Variants in LRMDA observed in about 807,000 individuals in gnomAD.
LRMDA encodes leucine-rich melanocyte differentiation-associated protein.
A neutral mutation model predicts 29.8 loss-of-function variants in LRMDA; 18 were observed. The ratio of observed to expected loss-of-function variants is 0.60; its 90% CI spans 0.42 to 0.90. The LOEUF (loss-of-function observed/expected upper bound fraction) is 0.90. LRMDA is among the 40% of genes least tolerant of loss of function. The pLI, the probability that LRMDA is intolerant of heterozygous loss-of-function variation, is 0.00. For synonymous variants in LRMDA, 125 were observed against 109.4 expected (o/e 1.14, Z -0.89); for missense variants, 273 against 273.9 (o/e 1.00, Z 0.02).
chr10:76,510,506 G>T (rs534087947), intron 6 of LRMDA, among the ~76,000 whole-genome samples: 1 of 152,088 alleles, frequency 6.6e-6, no homozygotes, highest in Non-Finnish European at 1.5e-5. Flanking sequence ...GATCTTATAG[G>T]TAGACTGGGA....
intron 6 of LRMDA, among the ~76,000 whole-genome samples, chr10:76,391,316 T>C (rs1350879400): frequency 2.0e-5 from 3 of 152,216 alleles, no homozygotes; most frequent in Non-Finnish European, 2.9e-5. Flanking sequence ...TTTGGCATCA[T>C]GTCCCTGACA....
intron 5 of LRMDA, among the ~76,000 whole-genome samples, chr10:76,171,095 A>G (rs550317681): frequency 2.6e-5 from 4 of 152,234 alleles, no homozygotes; most frequent in African/African-American, 9.6e-5. Context: ...GAGCAGCTAT[A>G]TCTGTGCCTA....
chr10:75,777,151 A>AGTACAGGCTGCCGAGCT (rs1157133218), intron 2 of LRMDA, among the ~76,000 whole-genome samples: 5 of 152,206 alleles, frequency 3.3e-5, no homozygotes, highest in Non-Finnish European at 7.3e-5. Context: ...ACAAGTGCAG[A>AGTACAGGCTGCCGAGCT]GTACAGGCTG....
chr10:76,184,047 T>C (rs146123644), intron 5 of LRMDA, among the ~76,000 whole-genome samples: 2,292 of 151,660 alleles, frequency 0.015, 60 homozygotes, highest in African/African-American at 0.05. Context: ...TTTTTTTTTT[T>C]GGAGACGGAG....
chr10:76,430,890 C>T (rs979181087), intron 6 of LRMDA, among the ~76,000 whole-genome samples: 16 of 152,100 alleles, frequency 1.1e-4, no homozygotes, highest in Admixed American at 1.3e-4. Context: ...AGTATTTTTT[C>T]CATTGAATAG....
intron 6 of LRMDA, among the ~76,000 whole-genome samples, chr10:76,440,285 C>T (rs1589188369): frequency 6.6e-6 from 1 of 152,152 alleles, no homozygotes; most frequent in Admixed American, 6.5e-5. Context: ...GGGATGAGTC[C>T]TATCATTTGT....
chr10:76,013,845 A>G (rs1161116766), intron 2 of LRMDA, among the ~76,000 whole-genome samples: 1 of 151,812 alleles, frequency 6.6e-6, no homozygotes, highest in Admixed American at 6.6e-5. Context: ...TCCCTTGGCA[A>G]TCACCATTCT....
intron 6 of LRMDA, among the ~76,000 whole-genome samples, chr10:76,329,799 G>A (rs1840882231): frequency 6.6e-6 from 1 of 152,100 alleles, no homozygotes; most frequent in Non-Finnish European, 1.5e-5. Flanking sequence ...GCAGCTCAAT[G>A]TATGCCATCC....
At position 75,548,044 on chromosome 10, in the gene LRMDA, T is replaced by C. The variant is rs1589177963; in HGVS notation, c.131+109550T>C. ...TTTCATATTTATTTTTCAGCATTAA[T>C]CATTCTGTATCTTTGTGGAAAGTAT... On this transcript the variant is annotated intron_variant, in intron 2 of 6. Coordinates refer to ENST00000611255, the MANE Select transcript of LRMDA (RefSeq NM_001305581.2). 2.6e-5 allele frequency among the ~76,000 whole-genome samples: 4 copies of C among 152,004 alleles called. No homozygotes were observed. The South Asian group carries it at 8.3e-4, about 31-fold the overall frequency.
At chr10:76,549,831 A>G (rs1045320423) in intron 6 of LRMDA, among the ~76,000 whole-genome samples, 3 of 152,228 alleles carry the variant, frequency 2.0e-5, no homozygotes, top group South Asian at 2.1e-4. Flanking sequence ...ACACAAATAC[A>G]TGGGGAGGAA....
intron 2 of LRMDA, among the ~76,000 whole-genome samples, chr10:75,581,293 C>T (rs1045105055): frequency 3.3e-5 from 5 of 152,082 alleles, no homozygotes; most frequent in Non-Finnish European, 7.4e-5. Context: ...GACATATATG[C>T]AGCCAATATA....
At chr10:76,380,004 ATACT>A (rs1265601140) in intron 6 of LRMDA, among the ~76,000 whole-genome samples, 1 of 152,174 alleles carries the variant, frequency 6.6e-6, no homozygotes, top group African/African-American at 2.4e-5. Context: ...TCATTTCCAC[ATACT>A]TGTATAATTT....
At chr10:76,355,734 A>G (rs1214877896) in intron 6 of LRMDA, among the ~76,000 whole-genome samples, 1 of 152,218 alleles carries the variant, frequency 6.6e-6, no homozygotes, top group Non-Finnish European at 1.5e-5. Flanking sequence ...CATAAGTTGT[A>G]TGAAGTGTAA....
chr10:76,289,099 G>A (rs972296779), intron 5 of LRMDA, among the ~76,000 whole-genome samples: 1 of 152,164 alleles, frequency 6.6e-6, no homozygotes, highest in African/African-American at 2.4e-5. Flanking sequence ...AGGTGGAGGT[G>A]GGATGTTGGA....
chr10:76,435,778 T>A (rs1450123041), intron 6 of LRMDA, among the ~76,000 whole-genome samples: 5 of 152,124 alleles, frequency 3.3e-5, no homozygotes, highest in African/African-American at 1.2e-4. Flanking sequence ...TCAGAAGACA[T>A]TATCCAGAAG....
intron 2 of LRMDA, among the ~76,000 whole-genome samples, chr10:75,964,170 A>G (rs987946889): frequency 2.0e-5 from 3 of 152,142 alleles, no homozygotes; most frequent in Admixed American, 6.5e-5. Context: ...CAACCCAGAA[A>G]CCATGTTTAA....
intron 5 of LRMDA, among the ~76,000 whole-genome samples, chr10:76,319,423 A>G (rs1300315586): frequency 1.3e-5 from 2 of 152,222 alleles, no homozygotes; most frequent in Non-Finnish European, 2.9e-5. Flanking sequence ...TTTAGATGTC[A>G]TAATCAAAGT....
At chr10:75,949,194 G>C (rs1457407599) in intron 2 of LRMDA, among the ~76,000 whole-genome samples, 1 of 152,194 alleles carries the variant, frequency 6.6e-6, no homozygotes, top group African/African-American at 2.4e-5. Context: ...TTTAGGAGGG[G>C]TGTCCTGGAA....
intron 2 of LRMDA, among the ~76,000 whole-genome samples, chr10:75,892,113 T>C (rs774096578): frequency 9.9e-5 from 15 of 152,272 alleles, no homozygotes; most frequent in Non-Finnish European, 2.2e-4. Flanking sequence ...GTGGTATTGC[T>C]GGAACTTAAT....
Sources: allele counts gnomAD v4.1 joint callset (sites outside exome capture counted in the v4.1 genomes callset), GRCh38; gene constraint gnomAD v4.1.1; transcripts MANE v1.5; gene names NCBI Gene and HGNC (gene_info 2026-07-23, HGNC 2026-07-21).